PPP6R1: variants seen among roughly 807,000 people sequenced by gnomAD.
PPP6R1 encodes the protein serine/threonine-protein phosphatase 6 regulatory subunit 1.
Under a neutral mutation model 104.6 loss-of-function variants are expected in PPP6R1, and 39 were observed. The ratio of observed to expected loss-of-function variants is 0.37; its 90% confidence interval spans 0.29 to 0.49. The LOEUF is 0.49. Among genes scored for constraint, PPP6R1 ranks in the 20% least tolerant of loss-of-function variants. The pLI, the probability that PPP6R1 is intolerant of heterozygous loss-of-function variation, is 0.98. For missense variants in PPP6R1, 1,181 were observed against 1,155.8 expected (o/e 1.02, Z -0.32); for synonymous variants, 549 against 479.0 (o/e 1.15, Z -1.91).
chr19:55,257,270 C>G (rs773380046), intron 1 of PPP6R1, among the ~76,000 whole-genome samples: 10 of 152,198 alleles, frequency 6.6e-5, no homozygotes, highest in Non-Finnish European at 1.0e-4. Context: ...CGCACGCTAA[C>G]AGTTAGACCC....
At chr19:55,234,894 G>T (rs536667892) in intron 17 of PPP6R1, among the ~76,000 whole-genome samples, 1 of 152,284 alleles carries the variant, frequency 6.6e-6, no homozygotes, top group African/African-American at 2.4e-5. Flanking sequence ...TCATCTACAG[G>T]GTTAGAAGCC....
chr19:55,254,761 C>A (rs1401637464), intron 1 of PPP6R1, among the ~76,000 whole-genome samples: 1 of 152,220 alleles, frequency 6.6e-6, no homozygotes, highest in African/African-American at 2.4e-5. Context: ...CTGGCCAGCA[C>A]CCAGCTCCTT....
intron 6 of PPP6R1, 31 bp from the exon 7 acceptor site, chr19:55,242,310 G>T: frequency 6.2e-7 from 1 of 1,612,984 alleles, no homozygotes. Flanking sequence ...GTCAGGGTGA[G>T]GGGCCAGGGG....
Position 55,230,415 on chromosome 19 carries a change from G to C in PPP6R1, c.*113C>G, listed in dbSNP as rs903702974. The C allele has an allele frequency of 6.1e-5, 90 of 1,474,690 alleles. No individual in the cohort carries two copies. Among genetic ancestry groups the C allele is most frequent in the Admixed American group, 1.5e-4 (8 of 54,246 alleles). The allele number at this position is 1,474,690 out of a possible 1,614,324, so 91.4% of individuals were successfully genotyped here. A position where few individuals can be genotyped will look rare whatever the true frequency, so the allele number is the denominator to read the frequency against. On this transcript the variant is annotated 3_prime_UTR_variant, in exon 24 of 24. Coordinates refer to ENST00000412770, the MANE Select transcript of PPP6R1 (RefSeq NM_014931.4). ...CCTGGGGGTCCAGAGGAGAGAATGTGGGGGTGTCAGGGTGATGAGGGCAAT... is the reference window on the plus strand; with the variant it reads ...CCTGGGGGTCCAGAGGAGAGAATGTCGGGGTGTCAGGGTGATGAGGGCAAT...
At chr19:55,253,694 T>C (rs1289518019) in intron 1 of PPP6R1, among the ~76,000 whole-genome samples, 2 of 152,008 alleles carry the variant, frequency 1.3e-5, no homozygotes, top group African/African-American at 4.8e-5. Flanking sequence ...AAGATGCAAA[T>C]ATGGAAGAAC....
At chr19:55,243,400 A>G (rs961414760) in intron 5 of PPP6R1, among the ~76,000 whole-genome samples, 9 of 144,028 alleles carry the variant, frequency 6.2e-5, no homozygotes, top group African/African-American at 1.3e-4. Context: ...GCGAGACTCC[A>G]TCTCAAAAAA....
downstream of PPP6R1, chr19:55,228,841 G>A: frequency 3.2e-6 from 4 of 1,231,492 alleles, 1 homozygote; most frequent in South Asian, 5.2e-5. Flanking sequence ...GGAGCGTCCT[G>A]TGGACTCTGT....
intron 17 of PPP6R1, among the ~76,000 whole-genome samples, chr19:55,234,012 C>A (rs1018025285): frequency 6.6e-6 from 1 of 152,262 alleles, no homozygotes; most frequent in African/African-American, 2.4e-5. Context: ...ATGAATGGTG[C>A]GATCTCAGCT....
chr19:55,239,162 C>T (rs763918689), intron 15 of PPP6R1: 21 of 530,010 alleles, frequency 4.0e-5, no homozygotes, highest in Admixed American at 6.3e-5. Flanking sequence ...TGTTTGTGCC[C>T]CACCCTCATG....
rs2087460123 is a variant in PPP6R1, at chr19:55,241,753, C to T, written c.846-114G>A. 2 of 1,262,202 alleles carry T rather than the reference C, an allele frequency of 1.6e-6. No homozygotes were observed. The highest frequency in any genetic ancestry group is 1.5e-5 in the African/African-American group (1 of 65,736). 78.2% of individuals were successfully genotyped at this position (1,262,202 alleles called of 1,614,324 possible). Reference sequence around the variant, plus strand: ...CTGGAGGAAAACGAGGAGCCACATGCCCCCAGCGCCGCTCTCTTCTGAGGC... The same window carrying T: ...CTGGAGGAAAACGAGGAGCCACATGTCCCCAGCGCCGCTCTCTTCTGAGGC... On this transcript the variant is annotated intron_variant, in intron 7 of 23. Transcript: ENST00000412770. This position sits in a 1 kb window ranked among gnomAD's most constrained non-coding sequence, Gnocchi z 5.4.
At chr19:55,253,900 C>T (rs1456527090) in intron 1 of PPP6R1, among the ~76,000 whole-genome samples, 1 of 152,080 alleles carries the variant, frequency 6.6e-6, no homozygotes, top group Non-Finnish European at 1.5e-5. Context: ...TTTCCTCATC[C>T]GTGAAAAGGA....
At chr19:55,247,540 A>C (rs1165326258) in intron 1 of PPP6R1, among the ~76,000 whole-genome samples, 1 of 152,124 alleles carries the variant, frequency 6.6e-6, no homozygotes, top group Non-Finnish European at 1.5e-5. Context: ...CACTATCCCT[A>C]CTTTTGGGAG....
chr19:55,245,901 T>G lies in PPP6R1; in HGVS notation c.228-223A>C, dbSNP rs1018068622. ...CCCAACCATCCCATCCTAGGCTCCT[T>G]ACCACCCCCAAGACAAGCTGGTCCT... On this transcript the variant is annotated intron_variant, in intron 2 of 23. Transcript: ENST00000412770. The surrounding 1 kb of genome is among the most constrained non-coding windows in gnomAD (Gnocchi z 6.4). Among the ~76,000 whole-genome samples, 2 of 152,044 alleles carry G rather than the reference T, an allele frequency of 1.3e-5. No individual in the cohort carries two copies. The highest frequency in any genetic ancestry group is 4.8e-5 in the African/African-American group (2 of 41,402).
In PPP6R1 at chr19:55,240,944, CAT is replaced by C. The variant is rs748143515; in HGVS notation, c.1295_1296del (p.His432ProfsTer100). ...ETPIQNPVVK[H>X]LLQQCRLVER... The stretch of plus-strand genomic sequence containing the variant: ...AGGGGGACCAGGGAGTCCCAGCTCA[CAT>C]GTTTCACAACAGGGTTTTGGATGGG... On this transcript the variant is annotated frameshift_variant and splice_region_variant, in exon 10 of 24. Transcript: ENST00000412770. LOFTEE classifies it high-confidence loss of function. 1.9e-6 allele frequency: 3 copies of C among 1,605,092 alleles called. No homozygotes were observed. The highest frequency in any genetic ancestry group is 8.5e-7 in the Non-Finnish European group (1 of 1,176,632).
chr19:55,249,232 A>G (rs1382712477), intron 1 of PPP6R1, among the ~76,000 whole-genome samples: 1 of 152,104 alleles, frequency 6.6e-6, no homozygotes, highest in Non-Finnish European at 1.5e-5. Flanking sequence ...ACCCCTCACC[A>G]GTCCACTTTT....
intron 21 of PPP6R1, 189 bp from the exon 22 acceptor site, chr19:55,231,073 C>T: frequency 3.2e-6 from 2 of 622,100 alleles, no homozygotes; most frequent in South Asian, 1.9e-5. Context: ...GGAAGACAAG[C>T]ACCCCTCTTC....
intron 10 of PPP6R1, 122 bp downstream of exon 10, chr19:55,240,823 C>T: frequency 7.3e-7 from 1 of 1,369,334 alleles, no homozygotes; most frequent in Non-Finnish European, 9.8e-7. Context: ...CATCTGGGCG[C>T]TGGCACCTAA....
At chr19:55,244,381 C>T (rs1190349574) in intron 5 of PPP6R1, among the ~76,000 whole-genome samples, 4 of 152,232 alleles carry the variant, frequency 2.6e-5, no homozygotes, top group Non-Finnish European at 1.5e-5. Flanking sequence ...AACACATGGA[C>T]ATGGGGTCCC....
In PPP6R1 at chr19:55,230,510, C is replaced by T. The variant is rs200030042; in HGVS notation, c.*18G>A. On this transcript the variant is annotated 3_prime_UTR_variant, in exon 24 of 24. Transcript: ENST00000412770. ...ACGGGAGGACGGAAGATTTGGCCGCCGCTGCCGCACCAGGCAGCTATCTGG... is the reference window on the plus strand; with the variant it reads ...ACGGGAGGACGGAAGATTTGGCCGCTGCTGCCGCACCAGGCAGCTATCTGG... 114 of 1,613,234 alleles carry T rather than the reference C, an allele frequency of 7.1e-5. No homozygotes were observed. The Middle Eastern group carries it at 8.4e-4, about 12-fold the overall frequency.
Sources: gnomAD v4.1 joint callset for allele counts (sites outside exome capture counted in the v4.1 genomes callset) on GRCh38, gnomAD v4.1.1 for gene constraint, Gnocchi (gnomAD v3.1) non-coding constraint, MANE v1.5 for transcripts, NCBI Gene and HGNC (gene_info 2026-07-23, HGNC 2026-07-21) for gene names.